The following PDE10A variants were observed in gnomAD, a reference collection of about 807,000 sequenced individuals.
PDE10A encodes the protein cAMP and cAMP-inhibited cGMP 3',5'-cyclic phosphodiesterase 10A.
In PDE10A, 39 loss-of-function variants were observed where a neutral mutation model predicts 97.7. The ratio of observed to expected loss-of-function variants is 0.40; its 90% CI spans 0.31 to 0.52. PDE10A has a LOEUF of 0.52. Ranked by LOEUF, PDE10A falls within the 20% of genes least tolerant of loss-of-function variation. The pLI is 0.56. For missense variants in PDE10A, 731 were observed against 1,047.8 expected, an observed-to-expected ratio of 0.70 and a Z score of 4.17; for synonymous variants, 371 against 376.8, an observed-to-expected ratio of 0.98 and a Z score of 0.18.
chr6:165,715,024 C>T (rs1791991360), intron 1 of PDE10A, among the ~76,000 whole-genome samples: 1 of 152,266 alleles, frequency 6.6e-6, no homozygotes, highest in Non-Finnish European at 1.5e-5. Context: ...CAGAGCAGGG[C>T]AGGAGTGCCT....
intron 13 of PDE10A, among the ~76,000 whole-genome samples, chr6:165,406,305 T>C (rs1370673936): frequency 9.3e-5 from 14 of 150,050 alleles, no homozygotes; most frequent in Non-Finnish European, 1.6e-4. Flanking sequence ...ATAGTTGAAT[T>C]TTAGGAGATA....
intron 13 of PDE10A, among the ~76,000 whole-genome samples, chr6:165,412,148 T>C (rs1029338517): frequency 6.6e-6 from 1 of 152,080 alleles, no homozygotes; most frequent in Non-Finnish European, 1.5e-5. Flanking sequence ...TTATACATGT[T>C]TTAGACATAC....
intron 1 of PDE10A, among the ~76,000 whole-genome samples, chr6:165,547,313 A>G (rs1783788024): frequency 6.6e-6 from 1 of 152,180 alleles, no homozygotes. Context: ...GCAGGTTAAA[A>G]GTAATAAATG....
chr6:165,458,664 C>T (rs555104456), intron 3 of PDE10A, among the ~76,000 whole-genome samples: 89 of 151,414 alleles, frequency 5.9e-4, no homozygotes, highest in African/African-American at 1.6e-3. Flanking sequence ...CATGGACAGG[C>T]GCACGCACAC....
intron 17 of PDE10A, among the ~76,000 whole-genome samples, chr6:165,384,514 A>G (rs961922850): frequency 1.3e-5 from 2 of 152,122 alleles, no homozygotes; most frequent in Non-Finnish European, 2.9e-5. Context: ...TGCCCACTCA[A>G]CACGGGATTA....
chr6:165,595,152 C>T (rs985229636), intron 1 of PDE10A, among the ~76,000 whole-genome samples: 1 of 152,162 alleles, frequency 6.6e-6, no homozygotes, highest in South Asian at 2.1e-4. Context: ...AAATGGCTCC[C>T]TTAAGCCCTA....
intron 1 of PDE10A, among the ~76,000 whole-genome samples, chr6:165,591,719 T>C (rs532325210): frequency 3.9e-5 from 6 of 152,342 alleles, no homozygotes; most frequent in African/African-American, 1.2e-4. Context: ...AAATTAGCTA[T>C]TGAATGTATT....
At chr6:165,363,334 G>A (rs974743218) in intron 18 of PDE10A, among the ~76,000 whole-genome samples, 1 of 150,986 alleles carries the variant, frequency 6.6e-6, no homozygotes, top group South Asian at 2.1e-4. Context: ...GGTCAAGATG[G>A]TGAAACCCCG....
chr6:165,657,419 A>G (rs149463217), intron 1 of PDE10A, among the ~76,000 whole-genome samples: 89 of 152,402 alleles, frequency 5.8e-4, no homozygotes, highest in African/African-American at 2.1e-3. Flanking sequence ...CTTTTAAGGG[A>G]AAATATTCGT....
intron 13 of PDE10A, among the ~76,000 whole-genome samples, chr6:165,400,777 G>T (rs916197975): frequency 2.0e-5 from 3 of 152,144 alleles, no homozygotes; most frequent in Non-Finnish European, 4.4e-5. Flanking sequence ...TTTGTTTGTA[G>T]CTTTAGTGTA....
Position 165,332,661 on chromosome 6 carries a change from A to C in PDE10A, c.*364T>G, listed in dbSNP as rs1441946710. On this transcript the variant is annotated 3_prime_UTR_variant, in exon 22 of 22. Coordinates refer to ENST00000539869, the MANE Select transcript of PDE10A (RefSeq NM_001385079.1). ...CAATACCATAATAGTACCATTTTAA[A>C]CCCTTATTAGAAAGATACAATGGAA... 4.5e-6 allele frequency: 1 copy of C among 222,516 alleles called. No homozygotes were observed. The highest frequency in any genetic ancestry group is 8.8e-6 in the Non-Finnish European group (1 of 113,188). 13.8% of individuals were successfully genotyped at this position (222,516 alleles called of 1,614,324 possible).
intron 1 of PDE10A, among the ~76,000 whole-genome samples, chr6:165,686,679 T>C (rs2128440722): frequency 6.6e-6 from 1 of 152,328 alleles, no homozygotes; most frequent in East Asian, 1.9e-4. Flanking sequence ...CTTCCAACAT[T>C]TTTTGGTAAG....
At chr6:165,579,504 C>T (rs1237147760) in intron 1 of PDE10A, among the ~76,000 whole-genome samples, 1 of 152,196 alleles carries the variant, frequency 6.6e-6, no homozygotes, top group African/African-American at 2.4e-5. Flanking sequence ...TTAAGCAGTC[C>T]TGTTGTTGCA....
chr6:165,764,676 T>C (rs1195114309), intron 1 of PDE10A, among the ~76,000 whole-genome samples: 2 of 152,190 alleles, frequency 1.3e-5, no homozygotes, highest in African/African-American at 2.4e-5. Context: ...GGCGGGCTTA[T>C]AGTCCCACCG....
chr6:165,437,810 T>C (rs1156430507), intron 5 of PDE10A, among the ~76,000 whole-genome samples: 1 of 152,228 alleles, frequency 6.6e-6, no homozygotes, highest in Non-Finnish European at 1.5e-5. Flanking sequence ...CCCTCCTTTA[T>C]ATTAGTGGTT....
intron 1 of PDE10A, among the ~76,000 whole-genome samples, chr6:165,977,226 A>G (rs1457481428): frequency 6.6e-6 from 1 of 152,220 alleles, no homozygotes; most frequent in African/African-American, 2.4e-5. Flanking sequence ...CAAAATCACA[A>G]TAGCACGAAA....
chr6:165,589,028 C>G (rs533614325), intron 1 of PDE10A, among the ~76,000 whole-genome samples: 1 of 152,260 alleles, frequency 6.6e-6, no homozygotes, highest in South Asian at 2.1e-4. Flanking sequence ...TTCAAATCAG[C>G]CATGGCCACA....
intron 1 of PDE10A, among the ~76,000 whole-genome samples, chr6:165,678,194 T>TAC (rs1790868310): frequency 6.0e-5 from 3 of 49,958 alleles, no homozygotes; most frequent in Non-Finnish European, 1.3e-4. Context: ...TGTGTCTGTG[T>TAC]ATGTATATGT....
At chr6:165,335,593 C>T (rs1244809122) in intron 21 of PDE10A, among the ~76,000 whole-genome samples, 2 of 152,146 alleles carry the variant, frequency 1.3e-5, no homozygotes, top group African/African-American at 4.8e-5. Context: ...ATAAGGCAGC[C>T]TGGCCAAGGG....
Sources: gnomAD v4.1 joint callset for allele counts (sites outside exome capture counted in the v4.1 genomes callset) on GRCh38, gnomAD v4.1.1 for gene constraint, MANE v1.5 for transcripts, NCBI Gene and HGNC (gene_info 2026-07-23, HGNC 2026-07-21) for gene names.